The following POM121C variants were observed in gnomAD, a reference collection of about 807,000 sequenced individuals.
POM121C encodes nuclear envelope pore membrane protein POM 121C.
In POM121C, 20 loss-of-function variants were observed where a neutral mutation model predicts 66.4. That is an observed-to-expected ratio of 0.30 (90% CI 0.21 to 0.44). The LOEUF (loss-of-function observed/expected upper bound fraction) is 0.44. Ranked by LOEUF, POM121C falls within the 20% of genes least tolerant of loss-of-function variation. The pLI is 1.00. For synonymous variants in POM121C, 286 were observed against 528.0 expected, an observed-to-expected ratio of 0.54 and a Z score of 6.28; for missense variants, 580 against 1,225.7, an observed-to-expected ratio of 0.47 and a Z score of 7.87.
intron 7 of POM121C, among the ~76,000 whole-genome samples, chr7:75,428,451 T>C (rs587669945): frequency 1.1e-4 from 16 of 152,346 alleles, no homozygotes; most frequent in African/African-American, 3.8e-4. Flanking sequence ...TGTGGAACTT[T>C]AAAAGCACAT....
chr7:75,432,921 G>A (rs1212098673), intron 7 of POM121C, among the ~76,000 whole-genome samples: 5 of 152,014 alleles, frequency 3.3e-5, no homozygotes, highest in East Asian at 3.9e-4. Flanking sequence ...ATATTTGCAC[G>A]TTACCGATTC....
chr7:75,441,509 A>C lies in POM121C; in HGVS notation c.-13T>G, dbSNP rs1554473993. On this transcript the variant is annotated 5_prime_UTR_variant, in exon 4 of 15. Coordinates refer to ENST00000615331, the MANE Select transcript of POM121C (RefSeq NM_001099415.3). Reference sequence around the variant, plus strand: ...GGCTACACACCATCCTGGAGTTGCGAGGGGACAGCACAGCCTTCTTGTGAT... The same window carrying C: ...GGCTACACACCATCCTGGAGTTGCGCGGGGACAGCACAGCCTTCTTGTGAT... 3.1e-6 allele frequency: 5 copies of C among 1,613,750 alleles called. No homozygotes were observed. Among genetic ancestry groups the C allele is most frequent in the Admixed American group, 3.3e-5 (2 of 59,980 alleles).
At position 75,486,248 on chromosome 7, in the gene POM121C, C is replaced by T. The variant is rs1166143789; in HGVS notation, c.-842G>A. On this transcript the variant is annotated 5_prime_UTR_variant, in exon 1 of 15. Transcript: ENST00000615331. ...ATTCTCGTCCACTAGAAGCCAAAGC[C>T]TGGGAACGAGAGCAAGCGATGACCT... The T allele has an allele frequency of 1.1e-5, 3 of 278,940 alleles. No homozygotes were observed. Among genetic ancestry groups the T allele is most frequent in the African/African-American group, 4.8e-5 (2 of 41,988 alleles). 17.3% of individuals were successfully genotyped at this position (278,940 alleles called of 1,614,324 possible).
intron 1 of POM121C, among the ~76,000 whole-genome samples, chr7:75,479,615 CTAAATAAATAAA>C (rs58439125): frequency 1.9e-4 from 26 of 134,608 alleles, no homozygotes; most frequent in South Asian, 4.6e-4. Flanking sequence ...GACTCTGTCT[CTAAATAAATAAA>C]TAAATAAATA....
intron 3 of POM121C, among the ~76,000 whole-genome samples, chr7:75,452,943 T>G (rs1554475821): frequency 6.6e-6 from 1 of 152,000 alleles, no homozygotes; most frequent in Non-Finnish European, 1.5e-5. Flanking sequence ...GAGAGGAGAT[T>G]CCTGGAGAGG....
Position 75,423,367 on chromosome 7 carries a change from A to G in POM121C, c.1049-164T>C, listed in dbSNP as rs868931504. Among the ~76,000 whole-genome samples, 277 of 151,496 alleles carry G rather than the reference A, an allele frequency of 1.8e-3. 1 individual carries two copies. The Middle Eastern group carries it at 0.024, about 13-fold the overall frequency. On this transcript the variant is annotated intron_variant, in intron 12 of 14. Coordinates refer to ENST00000615331, the MANE Select transcript of POM121C (RefSeq NM_001099415.3). Reference sequence around the variant, plus strand: ...ACAGGCCTGTACAGTAAATCAAGGAAGTGTTCATTATTTCCACCTCACAGA... The same window carrying G: ...ACAGGCCTGTACAGTAAATCAAGGAGGTGTTCATTATTTCCACCTCACAGA...
rs1790641070 is a variant in POM121C, at chr7:75,441,367, G to C, written c.65+65C>G. 4 of 1,470,820 alleles carry C rather than the reference G, an allele frequency of 2.7e-6. No homozygotes were observed. In the South Asian group the frequency reaches 3.5e-5, roughly 13 times the overall value. The allele number at this position is 1,470,820 out of a possible 1,614,324, so 91.1% of individuals were successfully genotyped here. On this transcript the variant is annotated intron_variant, in intron 4 of 14. Coordinates refer to ENST00000615331, the MANE Select transcript of POM121C (RefSeq NM_001099415.3). ...TTGCGTTGTAGTCATGTTGTCACAG[G>C]AACAACTGGAGAAGAATAAAGTGGA...
intron 3 of POM121C, among the ~76,000 whole-genome samples, chr7:75,461,402 A>G (rs1241330669): frequency 1.3e-5 from 2 of 152,134 alleles, no homozygotes; most frequent in African/African-American, 4.8e-5. Flanking sequence ...AGCAAGATTT[A>G]CCAGAACCTG....
chr7:75,453,248 C>G (rs1404452604), intron 3 of POM121C, among the ~76,000 whole-genome samples: 4 of 141,866 alleles, frequency 2.8e-5, no homozygotes, highest in Non-Finnish European at 6.1e-5. Context: ...CTCAGCAATA[C>G]AGAGAGACCC....
intron 1 of POM121C, chr7:75,484,193 C>T: frequency 6.2e-7 from 1 of 1,609,168 alleles, no homozygotes; most frequent in Non-Finnish European, 8.5e-7. Context: ...AGCAGGAAAA[C>T]TCACCTGCAA....
At chr7:75,430,120 C>A (rs1790107561) in intron 7 of POM121C, among the ~76,000 whole-genome samples, 1 of 152,144 alleles carries the variant, frequency 6.6e-6, no homozygotes, top group African/African-American at 2.4e-5. Flanking sequence ...GAAAGGCAAT[C>A]CCAATCAGTA....
At chr7:75,469,723 C>T (rs781988406) in intron 3 of POM121C, among the ~76,000 whole-genome samples, 1 of 152,190 alleles carries the variant, frequency 6.6e-6, no homozygotes, top group Non-Finnish European at 1.5e-5. Flanking sequence ...TTTGCCTTTG[C>T]TGAACTTCGC....
Position 75,443,125 on chromosome 7 carries a change from C to T in POM121C, c.-151-1478G>A, listed in dbSNP as rs1790725247. On this transcript the variant is annotated intron_variant, in intron 3 of 14. Transcript: ENST00000615331. Reference sequence around the variant, plus strand: ...GCCACTGGCGGCTGAGTTTTCCCCCCCACTTCCATTTCTACTTTACAAGTT... The same window carrying T: ...GCCACTGGCGGCTGAGTTTTCCCCCTCACTTCCATTTCTACTTTACAAGTT... Among the ~76,000 whole-genome samples the T allele has an allele frequency of 1.3e-5, 2 of 152,204 alleles. 1 individual carries two copies. The highest frequency in any genetic ancestry group is 4.1e-4 in the South Asian group (2 of 4,834).
chr7:75,439,824 T>C (rs1219782603), intron 5 of POM121C, among the ~76,000 whole-genome samples: 2 of 152,200 alleles, frequency 1.3e-5, no homozygotes, highest in Non-Finnish European at 2.9e-5. Context: ...ACTTCTTTTC[T>C]TTCTGTAATT....
chr7:75,434,582 CT>C (rs34484961), intron 7 of POM121C, among the ~76,000 whole-genome samples: 81,855 of 98,912 alleles, frequency 0.83, 33,257 homozygotes, highest in East Asian at 0.91. Context: ...GCTCAGCTAG[CT>C]TTTTTTTTTT....
chr7:75,456,641 G>A (rs1420176041), intron 3 of POM121C, among the ~76,000 whole-genome samples: 1 of 152,400 alleles, frequency 6.6e-6, no homozygotes, highest in Non-Finnish European at 1.5e-5. Flanking sequence ...TGCCTGTTGC[G>A]AGATGGGACA....
chr7:75,467,028 T>G (rs1275040601), intron 3 of POM121C, among the ~76,000 whole-genome samples: 8 of 152,210 alleles, frequency 5.3e-5, no homozygotes, highest in Non-Finnish European at 8.8e-5. Flanking sequence ...CCTAGTGAGC[T>G]TTTAAAAAAT....
intron 3 of POM121C, among the ~76,000 whole-genome samples, chr7:75,464,443 C>T (rs1309985040): frequency 1.3e-5 from 2 of 151,412 alleles, no homozygotes; most frequent in African/African-American, 2.4e-5. Flanking sequence ...ACAAAAAATG[C>T]AAACAATCAG....
chr7:75,461,602 G>A (rs1261069348), intron 3 of POM121C, among the ~76,000 whole-genome samples: 10 of 151,986 alleles, frequency 6.6e-5, no homozygotes, highest in East Asian at 5.8e-4. Flanking sequence ...TTTCAGACAG[G>A]GTTTTGCCAT....
Sources: allele counts gnomAD v4.1 joint callset (sites outside exome capture counted in the v4.1 genomes callset), GRCh38; gene constraint gnomAD v4.1.1; transcripts MANE v1.5; gene names NCBI Gene and HGNC (gene_info 2026-07-23, HGNC 2026-07-21).